The following TPPP variants were observed in gnomAD, a reference collection of about 807,000 sequenced individuals.
The protein encoded by TPPP is tubulin polymerization-promoting protein.
TPPP carries 6 observed loss-of-function variants against 15.5 expected under a neutral mutation model. The ratio of observed to expected loss-of-function variants is 0.39; its 90% CI spans 0.21 to 0.77. TPPP has a LOEUF of 0.77. Ranked by LOEUF, TPPP falls within the 30% of genes least tolerant of loss-of-function variation. TPPP has a pLI of 0.42. For synonymous variants in TPPP, 146 were observed against 133.9 expected, an observed-to-expected ratio of 1.09 and a Z score of -0.63; for missense variants, 269 against 307.2, an observed-to-expected ratio of 0.88 and a Z score of 0.93.
chr5:675,359 T>G (rs891506959), intron 2 of TPPP, among the ~76,000 whole-genome samples: 797 of 5,912 alleles, frequency 0.13, no homozygotes, highest in Non-Finnish European at 0.16. Flanking sequence ...AGTGTGGGGG[T>G]GTGCAGTGTG....
rs1561073291 is a variant in TPPP, at chr5:660,225, ATAT to A, written c.*4874_*4876del. 3.3e-5 allele frequency: 5 copies of A among 151,420 alleles called. No homozygotes were observed. The highest frequency in any genetic ancestry group is 1.2e-4 in the African/African-American group (5 of 41,300). 9.4% of individuals were successfully genotyped at this position (151,420 alleles called of 1,614,324 possible). ...TGCACATATATATATATATATATAT[ATAT>A]AAATTTGTTTCCCTTTCTTGAAAAA... On this transcript the variant is annotated 3_prime_UTR_variant, in exon 4 of 4. Transcript: ENST00000360578.
rs1049473296 is a variant in TPPP at position 662,216 on chromosome 5, C to G, written c.*2886G>C. On this transcript the variant is annotated 3_prime_UTR_variant, in exon 4 of 4. Coordinates refer to ENST00000360578, the MANE Select transcript of TPPP (RefSeq NM_007030.3). The stretch of plus-strand genomic sequence containing the variant: ...AGGTCTGGGAAGGGCTGTGGTGAGT[C>G]GGTGCTGGCCGTGTGGGCGAGGTGA... 1 of 152,512 alleles carries G rather than the reference C, an allele frequency of 6.6e-6. No individual in the cohort carries two copies. The highest frequency in any genetic ancestry group is 1.5e-5 in the Non-Finnish European group (1 of 68,148). 9.4% of individuals were successfully genotyped at this position (152,512 alleles called of 1,614,324 possible).
At chr5:697,627 C>T (rs1281324738), upstream of TPPP, among the ~76,000 whole-genome samples, 5 of 152,060 alleles carry the variant, frequency 3.3e-5, no homozygotes, top group African/African-American at 1.2e-4. Flanking sequence ...TCCAAGCAGA[C>T]CACAAGGAGC....
At chr5:681,822 C>T (rs1740633283) in intron 1 of TPPP, among the ~76,000 whole-genome samples, 1 of 152,214 alleles carries the variant, frequency 6.6e-6, no homozygotes, top group African/African-American at 2.4e-5. Flanking sequence ...GCACCACAGA[C>T]CTCAGAGTGG....
chr5:685,722 G>A (rs1740748538), intron 1 of TPPP, among the ~76,000 whole-genome samples: 1 of 152,210 alleles, frequency 6.6e-6, no homozygotes, highest in African/African-American at 2.4e-5. Context: ...TGCAGAGTGT[G>A]GTCCTTGCAG....
chr5:669,050 T>C (rs1034637264), intron 2 of TPPP, among the ~76,000 whole-genome samples: 1 of 152,084 alleles, frequency 6.6e-6, no homozygotes, highest in South Asian at 2.1e-4. Context: ...AAAGAAGAAA[T>C]CGCGCTGAGA....
Position 668,026 on chromosome 5 carries a change from A to G in TPPP, c.312-1903T>C, listed in dbSNP as rs1221166509. ...GTCAGGGAAGTACCGACAAGCACACAGAGAGGGGGCCGTGTGGGCGCCGTC... is the reference window on the plus strand; with the variant it reads ...GTCAGGGAAGTACCGACAAGCACACGGAGAGGGGGCCGTGTGGGCGCCGTC... On this transcript the variant is annotated intron_variant, in intron 2 of 3. Transcript: ENST00000360578. 2.1e-4 allele frequency among the ~76,000 whole-genome samples: 7 copies of G among 33,808 alleles called. 1 individual carries two copies. The highest frequency in any genetic ancestry group is 3.0e-4 in the Admixed American group (1 of 3,388). 22.2% of individuals were successfully genotyped at this position (33,808 alleles called of 152,430 possible).
At chr5:666,331 C>T (rs550631190) in intron 2 of TPPP, among the ~76,000 whole-genome samples, 10 of 152,348 alleles carry the variant, frequency 6.6e-5, no homozygotes, top group Admixed American at 3.3e-4. Flanking sequence ...GATGCTCACA[C>T]GGCCCTGCAG....
intron 1 of TPPP, among the ~76,000 whole-genome samples, chr5:688,505 G>A (rs1359468250): frequency 2.6e-5 from 4 of 152,130 alleles, no homozygotes; most frequent in East Asian, 1.9e-4. Context: ...TTGCAGCTTC[G>A]ACGGGAAAAC....
chr5:692,527 C>T, intron 1 of TPPP: 1 of 970,580 alleles, frequency 1.0e-6, no homozygotes, highest in South Asian at 4.8e-5. Context: ...AAAACAGCAG[C>T]CCCGCCACTG....
intron 2 of TPPP, among the ~76,000 whole-genome samples, chr5:675,217 G>T: frequency 1.6e-5 from 2 of 128,104 alleles, no homozygotes; most frequent in Admixed American, 7.8e-5. Context: ...TGTAGCCGGG[G>T]GTGCAGTGTG....
intron 1 of TPPP, among the ~76,000 whole-genome samples, chr5:684,224 G>A (rs1740705723): frequency 6.6e-6 from 1 of 152,254 alleles, no homozygotes; most frequent in East Asian, 1.9e-4. Context: ...CTGGCCCCAG[G>A]ACGCTGACTG....
chr5:679,346 C>A (rs557274358), intron 1 of TPPP, among the ~76,000 whole-genome samples: 4 of 142,780 alleles, frequency 2.8e-5, no homozygotes, highest in South Asian at 2.1e-4. Context: ...ATGCAGATGC[C>A]AACCCAGCGG....
Position 668,891 on chromosome 5 carries a change from T to C in TPPP, c.312-2768A>G, listed in dbSNP as rs541981165. On this transcript the variant is annotated intron_variant, in intron 2 of 3. Transcript: ENST00000360578. The stretch of plus-strand genomic sequence containing the variant: ...CGCACCCAACGCGGTGGGTGCCAAG[T>C]GGCCAGGCTTGGAGCCAGGCACGGA... Among the ~76,000 whole-genome samples the C allele has an allele frequency of 8.2e-4, 125 of 152,268 alleles. 2 individuals are homozygous for C. Among genetic ancestry groups the C allele is most frequent in the African/African-American group, 2.7e-3 (114 of 41,568 alleles).
intron 1 of TPPP, chr5:692,925 G>C: frequency 1.1e-6 from 1 of 896,274 alleles, no homozygotes; most frequent in Non-Finnish European, 1.3e-6. Context: ...AGCTGGGGAG[G>C]GTCTGGAGGG....
chr5:674,856 C>T lies in TPPP; in HGVS notation c.311+2894G>A, dbSNP rs193270217. ...CCTGTGGATGATGTGGGAGCTCCAG[C>T]GAGCCTGTGGGAGCTGCCCCTTGCC... On this transcript the variant is annotated intron_variant, in intron 2 of 3. Transcript: ENST00000360578. 9.6e-4 allele frequency among the ~76,000 whole-genome samples: 145 copies of T among 150,936 alleles called. 3 individuals are homozygous for T. The highest frequency in any genetic ancestry group is 3.4e-3 in the Middle Eastern group (1 of 294).
intron 1 of TPPP, among the ~76,000 whole-genome samples, chr5:682,932 C>T (rs1335938302): frequency 3.3e-5 from 5 of 152,178 alleles, no homozygotes; most frequent in Non-Finnish European, 7.4e-5. Context: ...CTCAGCTCAT[C>T]ACCCCTCCCT....
Position 665,235 on chromosome 5 carries a change from T to C in TPPP, c.527A>G (p.His176Arg). Residue 176 changes from histidine (H) to arginine (R), a missense_variant, in exon 4 of 4, where the codon CAC becomes CGC. His to Arg is a conservative substitution (Grantham distance 29). Coordinates refer to ENST00000360578, the MANE Select transcript of TPPP (RefSeq NM_007030.3). ...GCCAGAGGGGTCGAAGCGCTCCTTG[T>C]GGGAGCCCGTGAACTTGGTGGTGTC... ...LTDTTKFTGS[H>R]KERFDPSGKG... 2 of 1,613,788 alleles carry C rather than the reference T, an allele frequency of 1.2e-6. No individual in the cohort carries two copies. The highest frequency in any genetic ancestry group is 1.7e-6 in the Non-Finnish European group (2 of 1,179,926).
At chr5:674,105 GC>G (rs1244593264) in intron 2 of TPPP, among the ~76,000 whole-genome samples, 1 of 152,240 alleles carries the variant, frequency 6.6e-6, no homozygotes, top group Non-Finnish European at 1.5e-5. Flanking sequence ...CCCTGGACAG[GC>G]TCTTCCTACC....
Sources: gnomAD v4.1 joint callset for allele counts (sites outside exome capture counted in the v4.1 genomes callset) on GRCh38, gnomAD v4.1.1 for gene constraint, MANE v1.5 for transcripts, NCBI Gene and HGNC (gene_info 2026-07-23, HGNC 2026-07-21) for gene names.